CENPI: variants seen among roughly 807,000 people sequenced by gnomAD.
CENPI encodes the protein centromere protein I.
Under a neutral mutation model 60.4 loss-of-function variants are expected in CENPI, and 4 were observed. The ratio of observed to expected loss-of-function variants is 0.07; its 90% confidence interval spans 0.03 to 0.15. The LOEUF is 0.15. Ranked by LOEUF, CENPI falls within the 10% of genes least tolerant of loss-of-function variation. The probability of loss-of-function intolerance (pLI) is 1.00; values close to 1 mark genes in which losing one functional copy is unlikely to be tolerated. For synonymous variants in CENPI, 157 were observed against 189.4 expected, an observed-to-expected ratio of 0.83 and a Z score of 1.40; for missense variants, 444 against 534.5, an observed-to-expected ratio of 0.83 and a Z score of 1.67.
intron 15 of CENPI, among the ~76,000 whole-genome samples, chrX:101,133,875 G>A (rs2089821253): frequency 9.0e-6 from 1 of 111,693 alleles, no homozygotes; most frequent in South Asian, 3.7e-4. Context: ...AGTTGTTAAG[G>A]TGGAATATGG....
intron 12 of CENPI, 83 bp downstream of exon 12, chrX:101,128,919 C>T: frequency 1.3e-6 from 1 of 780,667 alleles, no homozygotes; most frequent in South Asian, 2.8e-5. Context: ...CAGCAGGAGC[C>T]TTCATATGCT....
In CENPI at chrX:101,164,293, G is replaced by A. The variant is rs113354148; in HGVS notation, c.*1326G>A. ...GTGCCAGGTACTCTTCTGTGTGCTG[G>A]TTATACAGTTGTGACCAATACAAAG... On this transcript the variant is annotated 3_prime_UTR_variant, in exon 22 of 22. Coordinates refer to ENST00000682095, the MANE Select transcript of CENPI (RefSeq NM_001386188.2). Among the ~76,000 whole-genome samples the A allele has an allele frequency of 9.0e-6, 1 of 110,994 alleles. No individual in the cohort carries two copies. Among genetic ancestry groups the A allele is most frequent in the Admixed American group, 9.7e-5 (1 of 10,311 alleles).
intron 18 of CENPI, 96 bp downstream of exon 18, chrX:101,146,373 C>A: frequency 1.2e-6 from 1 of 854,934 alleles, no homozygotes; most frequent in African/African-American, 2.0e-5. Flanking sequence ...TCGTCTTCTG[C>A]CAGGGCCTCT....
chrX:101,173,494 G>A, the CENPI span, among the ~76,000 whole-genome samples: 2 of 108,646 alleles, frequency 1.8e-5, no homozygotes, highest in Non-Finnish European at 1.9e-5. Context: ...TTCTGAATGA[G>A]GATGCAACCA....
chrX:101,152,125 C>T (rs112423913), intron 20 of CENPI, among the ~76,000 whole-genome samples: 9,521 of 109,148 alleles, frequency 0.087, 363 homozygotes, highest in Middle Eastern at 0.12. Context: ...AGTGCAATGG[C>T]GCGATCTTGG....
intron 11 of CENPI, 65 bp from the exon 12 acceptor site, chrX:101,128,651 A>G: frequency 3.5e-6 from 4 of 1,133,033 alleles, no homozygotes; most frequent in Non-Finnish European, 4.8e-6. Flanking sequence ...TATATTTTCT[A>G]TATGACGATT....
downstream of CENPI, among the ~76,000 whole-genome samples, chrX:101,169,376 T>G (rs2090151564): frequency 8.9e-6 from 1 of 112,473 alleles, no homozygotes; most frequent in South Asian, 3.7e-4. Context: ...GATCAATGAT[T>G]GACAACATGT....
chrX:101,181,514 T>C, the CENPI span, among the ~76,000 whole-genome samples: 5 of 112,616 alleles, frequency 4.4e-5, no homozygotes, highest in South Asian at 7.3e-4. Flanking sequence ...ATACTTATTT[T>C]ATTGAATTTA....
In CENPI at chrX:101,163,910, C is replaced by T. The variant is rs1411124508; in HGVS notation, c.*943C>T. The stretch of plus-strand genomic sequence containing the variant: ...ATTGGCCGGGCATGCCGGCACGTGC[C>T]TGTAGTCCCAGCTACTCAGGAGGCT... On this transcript the variant is annotated 3_prime_UTR_variant, in exon 22 of 22. Transcript: ENST00000682095. Among the ~76,000 whole-genome samples, 1 of 110,327 alleles carries T rather than the reference C, an allele frequency of 9.1e-6. No individual in the cohort carries two copies. Among genetic ancestry groups the T allele is most frequent in the African/African-American group, 3.3e-5 (1 of 30,263 alleles).
intron 15 of CENPI, among the ~76,000 whole-genome samples, chrX:101,138,682 G>C (rs1381387402): frequency 9.2e-6 from 1 of 108,296 alleles, no homozygotes; most frequent in African/African-American, 3.4e-5. Context: ...CTGGTGTGCA[G>C]TGGTGCGATC....
At chrX:101,177,598 G>A in the CENPI span, among the ~76,000 whole-genome samples, 2 of 112,205 alleles carry the variant, frequency 1.8e-5, no homozygotes, top group Non-Finnish European at 3.8e-5. Flanking sequence ...CAGCAACTGT[G>A]CAACAGCCCT....
rs975283619 is a variant in CENPI at position 101,112,981 on chromosome X, T to C, written c.591+2983T>C. On this transcript the variant is annotated intron_variant, in intron 6 of 21. Coordinates refer to ENST00000682095, the MANE Select transcript of CENPI (RefSeq NM_001386188.2). The stretch of plus-strand genomic sequence containing the variant: ...TAAATAAGCTTTTTTTTTTTCTAAG[T>C]GTTCTCTATCCTCCTTTTTTTGGAT... 1.8e-5 allele frequency among the ~76,000 whole-genome samples: 2 copies of C among 109,199 alleles called. 1 individual carries two copies. Among genetic ancestry groups the C allele is most frequent in the Admixed American group, 2.0e-4 (2 of 10,007 alleles). The allele number at this position is 109,199 out of a possible 115,157, so 94.8% of individuals were successfully genotyped here.
intron 20 of CENPI, 73 bp downstream of exon 20, chrX:101,148,234 T>C (rs2089978641): frequency 2.3e-6 from 2 of 866,484 alleles, no homozygotes; most frequent in Admixed American, 2.8e-5. Flanking sequence ...GTGCCATAAA[T>C]TTAATGTGTC....
chrX:101,124,663 C>G (rs997219590), intron 8 of CENPI, among the ~76,000 whole-genome samples: 1 of 111,005 alleles, frequency 9.0e-6, no homozygotes, highest in South Asian at 3.8e-4. Context: ...GCGGTTTCCC[C>G]CATGCTATTC....
the CENPI span, among the ~76,000 whole-genome samples, chrX:101,172,887 A>T: frequency 9.0e-6 from 1 of 111,175 alleles, no homozygotes; most frequent in South Asian, 3.7e-4. Flanking sequence ...TAGAAAAATT[A>T]TACTCATAAA....
chrX:101,108,770 C>T (rs2089516431), intron 4 of CENPI, among the ~76,000 whole-genome samples: 1 of 108,958 alleles, frequency 9.2e-6, no homozygotes, highest in African/African-American at 3.3e-5. Context: ...ATCAGCCTCC[C>T]GAGTTGCTGT....
rs1442953652 is a variant in CENPI, at chrX:101,099,065, TC to T, written c.-14+527del. 5.4e-5 allele frequency among the ~76,000 whole-genome samples: 6 copies of T among 111,138 alleles called. No individual in the cohort carries two copies. In the East Asian group the frequency reaches 1.7e-3, roughly 31 times the overall value. ...TTTCTCTTTTCTTTCTTTCTTTCTG[TC>T]TCTGTCTGTCTCTCTCTCTCTCCCT... On this transcript the variant is annotated intron_variant, in intron 2 of 21. Transcript: ENST00000682095.
Position 101,116,200 on chromosome X carries a change from C to T in CENPI, c.592-4202C>T, listed in dbSNP as rs190478300. On this transcript the variant is annotated intron_variant, in intron 6 of 21. Transcript: ENST00000682095. ...TTAAGTATTATAACTAATCCGGAGA[C>T]GATTTAAAGCAAGCTTGTCCAACCC... Among the ~76,000 whole-genome samples the T allele has an allele frequency of 2.9e-3, 328 of 111,530 alleles. 5 individuals carry two copies. Among genetic ancestry groups the T allele is most frequent in the African/African-American group, 9.7e-3 (299 of 30,795 alleles).
the CENPI span, among the ~76,000 whole-genome samples, chrX:101,174,356 A>G: frequency 1.3e-4 from 15 of 112,157 alleles, no homozygotes; most frequent in African/African-American, 4.9e-4. Flanking sequence ...TACCAAAAAA[A>G]CACATGCACT....
Sources: gnomAD v4.1 joint callset for allele counts (sites outside exome capture counted in the v4.1 genomes callset) on GRCh38, gnomAD v4.1.1 for gene constraint, MANE v1.5 for transcripts, NCBI Gene and HGNC (gene_info 2026-07-23, HGNC 2026-07-21) for gene names.